EGFR: variants seen among roughly 807,000 people sequenced by gnomAD.
The protein encoded by EGFR is avian erythroblastic leukemia viral (v-erb-b) oncogene homolog.
EGFR carries 58 observed loss-of-function variants against 143.0 expected under a neutral mutation model. The ratio of observed to expected loss-of-function variants is 0.41; its 90% CI spans 0.33 to 0.50. The LOEUF (loss-of-function observed/expected upper bound fraction) is 0.50. EGFR is among the 20% of genes least tolerant of loss of function. EGFR has a pLI of 0.39. For missense variants in EGFR, 1,307 were observed against 1,579.0 expected, an observed-to-expected ratio of 0.83 and a Z score of 2.92; for synonymous variants, 613 against 594.4, an observed-to-expected ratio of 1.03 and a Z score of -0.45.
intron 1 of EGFR, among the ~76,000 whole-genome samples, chr7:55,058,178 G>C (rs1421700417): frequency 6.6e-6 from 1 of 152,160 alleles, no homozygotes; most frequent in African/African-American, 2.4e-5. Flanking sequence ...GGTGGATCAC[G>C]AGGTCAGGAG....
chr7:55,169,329 G>T (rs1042607879), intron 15 of EGFR, among the ~76,000 whole-genome samples: 1 of 152,020 alleles, frequency 6.6e-6, no homozygotes, highest in Non-Finnish European at 1.5e-5. Flanking sequence ...TTGATCTCCT[G>T]ACAAGTGATC....
intron 1 of EGFR, among the ~76,000 whole-genome samples, chr7:55,090,703 T>C (rs1791060122): frequency 6.6e-6 from 1 of 152,216 alleles, no homozygotes; most frequent in Admixed American, 6.5e-5. Context: ...CAGGCTTGTC[T>C]GTTGAGAAAG....
chr7:55,191,596 C>T lies in EGFR; in HGVS notation c.2470-123C>T, dbSNP rs544956254. ...CTTTGGATCAGTAGTCACTAACGTT[C>T]GCCAGCCATAAGTCCTCGACGTGGA... On this transcript the variant is annotated intron_variant, in intron 20 of 27. Transcript: ENST00000275493. The T allele has an allele frequency of 1.1e-5, 14 of 1,288,150 alleles. No individual in the cohort carries two copies. The African/African-American group carries it at 1.6e-4, about 15-fold the overall frequency. The allele number at this position is 1,288,150 out of a possible 1,614,324, so 79.8% of individuals were successfully genotyped here. A position where few individuals can be genotyped will look rare whatever the true frequency, so the allele number is the denominator to read the frequency against.
chr7:55,133,200 G>A (rs7786946), intron 1 of EGFR, among the ~76,000 whole-genome samples: 4,287 of 152,228 alleles, frequency 0.028, 225 homozygotes, highest in African/African-American at 0.098. Context: ...CCTTGCTAGG[G>A]TGCCTTCGGT....
intron 23 of EGFR, 96 bp downstream of exon 23, chr7:55,198,959 C>T (rs2128969112): frequency 1.3e-6 from 2 of 1,494,692 alleles, no homozygotes; most frequent in Non-Finnish European, 1.8e-6. Flanking sequence ...GGAGAAATGT[C>T]ATCACATTAC....
At chr7:55,176,656 T>A (rs1786601839) in intron 19 of EGFR, among the ~76,000 whole-genome samples, 1 of 151,902 alleles carries the variant, frequency 6.6e-6, no homozygotes, top group African/African-American at 2.4e-5. Context: ...TAGGCTGCAG[T>A]GAGCTAAAAT....
At chr7:55,030,005 T>A (rs371163521) in intron 1 of EGFR, among the ~76,000 whole-genome samples, 3 of 152,214 alleles carry the variant, frequency 2.0e-5, no homozygotes, top group East Asian at 1.9e-4. Flanking sequence ...TGCCTTAACA[T>A]TCTTCTCTCT....
rs1789617334 is a variant in EGFR, at chr7:55,068,072, ACG to A, written c.88+48708_88+48709del. Among the ~76,000 whole-genome samples the A allele has an allele frequency of 3.8e-5, 4 of 106,276 alleles. No individual in the cohort carries two copies. The South Asian group carries it at 1.1e-3, about 29-fold the overall frequency. The allele number at this position is 106,276 out of a possible 152,430, so 69.7% of individuals were successfully genotyped here. On this transcript the variant is annotated intron_variant, in intron 1 of 27. Transcript: ENST00000275493. Reference sequence around the variant, plus strand: ...TGTACATGTATGTACGCGTGTGCATACGTGTGTGTGTGTGCACAGGTGTGTAT... The same window carrying A: ...TGTACATGTATGTACGCGTGTGCATATGTGTGTGTGTGCACAGGTGTGTAT...
chr7:55,163,919 G>A, intron 14 of EGFR, 96 bp downstream of exon 14: 1 of 1,410,832 alleles, frequency 7.1e-7, no homozygotes. Context: ...TGTGTGGGCA[G>A]GACGGCCATC....
In EGFR at chr7:55,162,601, G is replaced by A. The variant is rs139870967; in HGVS notation, c.1631+970G>A. Among the ~76,000 whole-genome samples the A allele has an allele frequency of 8.7e-4, 132 of 152,242 alleles. 1 individual carries two copies. In the East Asian group the frequency reaches 0.017, roughly 20 times the overall value. On this transcript the variant is annotated intron_variant, in intron 13 of 27. Transcript: ENST00000275493. ...TCTTAAGAGGCAAGGTGATGAAAAC[G>A]CCCACGTGGGGAGCCCCATGTCCTT...
chr7:55,139,944 T>TTA (rs1305291183), intron 1 of EGFR, among the ~76,000 whole-genome samples: 1 of 152,078 alleles, frequency 6.6e-6, no homozygotes, highest in East Asian at 1.9e-4. Context: ...ACATGCTAAT[T>TTA]GTAGACAATG....
intron 1 of EGFR, among the ~76,000 whole-genome samples, chr7:55,079,369 G>A (rs1354638019): frequency 6.6e-6 from 1 of 152,216 alleles, no homozygotes; most frequent in Non-Finnish European, 1.5e-5. Flanking sequence ...AGGAGCTGCG[G>A]CCTGCTCTGT....
At position 55,165,308 on chromosome 7, in the gene EGFR, A is replaced by G. The variant is rs1562775356; in HGVS notation, c.1751A>G (p.His584Arg). The change falls in exon 15 of 28, where the codon CAC (histidine) becomes CGC (arginine). Residue 584 changes from histidine to arginine, a missense_variant. Transcript: ENST00000275493. ...RGPDNCIQCA[H>R]YIDGPHCVKT... ...CCAGACAACTGTATCCAGTGTGCCCACTACATTGACGGCCCCCACTGCGTC... is the reference window on the plus strand; with the variant it reads ...CCAGACAACTGTATCCAGTGTGCCCGCTACATTGACGGCCCCCACTGCGTC... 7 of 1,614,168 alleles carry G rather than the reference A, an allele frequency of 4.3e-6. No homozygotes were observed. Among genetic ancestry groups the G allele is most frequent in the Middle Eastern group, 3.3e-4 (2 of 6,060 alleles).
Position 55,172,728 on chromosome 7 carries a change from G to A in EGFR, c.1920-255G>A, listed in dbSNP as rs1786407199. ...AATTGAAAAATACTCATTATATGGA[G>A]AGGTCCAGATAAAGCCTCAATTTTA... is the stretch of plus-strand genomic sequence containing the variant. On this transcript the variant is annotated intron_variant, in intron 16 of 27. Coordinates refer to ENST00000275493, the MANE Select transcript of EGFR (RefSeq NM_005228.5). 7.2e-6 allele frequency: 6 copies of A among 829,048 alleles called. No homozygotes were observed. In the East Asian group the frequency reaches 8.2e-5, roughly 11 times the overall value. The allele number at this position is 829,048 out of a possible 1,614,324, so 51.4% of individuals were successfully genotyped here.
At chr7:55,152,778 AG>A in intron 6 of EGFR, 114 bp downstream of exon 6, 1 of 858,776 alleles carries the variant, frequency 1.2e-6, no homozygotes, top group South Asian at 1.5e-5. Context: ...TTGTCATAAC[AG>A]ACAGGATATT....
chr7:55,161,763 G>T, intron 13 of EGFR, 132 bp downstream of exon 13: 1 of 1,480,306 alleles, frequency 6.8e-7, no homozygotes. Flanking sequence ...GGAGGTTTTG[G>T]GTTTTCTGTG....
chr7:55,035,203 G>T (rs1787486854), intron 1 of EGFR, among the ~76,000 whole-genome samples: 1 of 152,190 alleles, frequency 6.6e-6, no homozygotes, highest in Non-Finnish European at 1.5e-5. Flanking sequence ...AAGGAAGAAA[G>T]AAGAAAGTTA....
chr7:55,039,044 A>G (rs1179162382), intron 1 of EGFR, among the ~76,000 whole-genome samples: 5 of 151,940 alleles, frequency 3.3e-5, no homozygotes, highest in Admixed American at 3.3e-4. Flanking sequence ...AAATTTGTAT[A>G]ACATGGAACG....
intron 3 of EGFR, among the ~76,000 whole-genome samples, chr7:55,143,863 G>A (rs764060609): frequency 3.9e-5 from 6 of 152,180 alleles, no homozygotes; most frequent in Non-Finnish European, 7.3e-5. Flanking sequence ...AAGGATAAAA[G>A]ACATACAGTA....
Sources: allele counts gnomAD v4.1 joint callset (sites outside exome capture counted in the v4.1 genomes callset), GRCh38; gene constraint gnomAD v4.1.1; transcripts MANE v1.5; gene names NCBI Gene and HGNC (gene_info 2026-07-23, HGNC 2026-07-21).